The following ULK4 variants were observed in gnomAD, a reference collection of about 807,000 sequenced individuals.
The protein encoded by ULK4 is unc-51 like kinase 4.
Under a neutral mutation model 160.6 loss-of-function variants are expected in ULK4, and 133 were observed. The observed-to-expected ratio is 0.83, with a 90% confidence interval of 0.72 to 0.96. The LOEUF is 0.96. Ranked by LOEUF, ULK4 falls within the 40% of genes least tolerant of loss-of-function variation. The pLI, the probability that ULK4 is intolerant of heterozygous loss-of-function variation, is 0.00. For synonymous variants in ULK4, 534 were observed against 539.8 expected (o/e 0.99, Z 0.15); for missense variants, 1,580 against 1,499.5 (o/e 1.05, Z -0.89).
At chr3:41,681,221 C>T (rs750907666) in intron 29 of ULK4, among the ~76,000 whole-genome samples, 14 of 152,166 alleles carry the variant, frequency 9.2e-5, no homozygotes, top group Non-Finnish European at 1.5e-4. Context: ...ACCCTCACCC[C>T]TTGAGCCATG....
chr3:41,878,629 A>G (rs1697396782), intron 17 of ULK4, among the ~76,000 whole-genome samples: 1 of 151,046 alleles, frequency 6.6e-6, no homozygotes, highest in Admixed American at 6.6e-5. Context: ...TTGCAACTCT[A>G]AAGGATTACT....
intron 18 of ULK4, among the ~76,000 whole-genome samples, chr3:41,832,483 G>A (rs1432356604): frequency 2.0e-5 from 3 of 152,204 alleles, no homozygotes; most frequent in Admixed American, 6.5e-5. Flanking sequence ...CTCCCATTCT[G>A]TAGGCTGTCT....
intron 5 of ULK4, among the ~76,000 whole-genome samples, chr3:41,928,176 GA>G (rs1278036275): frequency 6.6e-6 from 1 of 152,146 alleles, no homozygotes; most frequent in Non-Finnish European, 1.5e-5. Flanking sequence ...CAATAAATTA[GA>G]ACTCAGGATT....
intron 21 of ULK4, among the ~76,000 whole-genome samples, chr3:41,762,499 G>C (rs2039017202): frequency 6.6e-6 from 1 of 151,968 alleles, no homozygotes; most frequent in African/African-American, 2.4e-5. Flanking sequence ...ACCTCAGACT[G>C]GGTAATATAT....
intron 35 of ULK4, among the ~76,000 whole-genome samples, chr3:41,305,237 G>GGTCTCCCTCTCCCTCTCTTTCCACA (rs1462585888): frequency 6.6e-6 from 1 of 151,762 alleles, no homozygotes; most frequent in Non-Finnish European, 1.5e-5. Context: ...CTCTCCCCAC[G>GGTCTCCCTCTCCCTCTCTTTCCACA]GTCTCCCTCT....
At chr3:41,857,293 A>G (rs1418064787) in intron 17 of ULK4, among the ~76,000 whole-genome samples, 2 of 152,152 alleles carry the variant, frequency 1.3e-5, no homozygotes, top group Admixed American at 6.5e-5. Flanking sequence ...GGTACTCATT[A>G]TTCTCTTTCT....
chr3:41,708,191 T>TATATA, intron 25 of ULK4, among the ~76,000 whole-genome samples: 1 of 151,994 alleles, frequency 6.6e-6, no homozygotes, highest in Admixed American at 6.5e-5. Context: ...TATATATATA[T>TATATA]TTCCAAAGGA....
At chr3:41,305,563 C>G (rs1207006671) in intron 35 of ULK4, among the ~76,000 whole-genome samples, 3 of 152,192 alleles carry the variant, frequency 2.0e-5, no homozygotes, top group Admixed American at 6.5e-5. Flanking sequence ...GTGATCTCGG[C>G]TCGCTACAAC....
intron 34 of ULK4, among the ~76,000 whole-genome samples, chr3:41,417,846 TACTA>T (rs1181789751): frequency 1.3e-5 from 2 of 152,200 alleles, no homozygotes; most frequent in Non-Finnish European, 2.9e-5. Flanking sequence ...ATTAAAAACA[TACTA>T]ACTACTCTGG....
rs544552709 is a variant in ULK4 at position 41,674,593 on chromosome 3, G to A, written c.2978+6915C>T. 3.9e-5 allele frequency among the ~76,000 whole-genome samples: 6 copies of A among 152,300 alleles called. No individual in the cohort carries two copies. In the South Asian group the frequency reaches 1.0e-3, roughly 26 times the overall value. On this transcript the variant is annotated intron_variant, in intron 29 of 36. Transcript: ENST00000301831. ...AGGAGGAAAACTGAAAGGAGGAAGT[G>A]AATGCATACACACTGAGTTAAAGGC...
At chr3:41,528,078 C>T (rs573405223) in intron 32 of ULK4, among the ~76,000 whole-genome samples, 1 of 152,270 alleles carries the variant, frequency 6.6e-6, no homozygotes, top group East Asian at 1.9e-4. Flanking sequence ...GTATGAGATT[C>T]CATGTAGCCA....
At chr3:41,362,867 C>A (rs1015511412) in intron 35 of ULK4, among the ~76,000 whole-genome samples, 1 of 152,254 alleles carries the variant, frequency 6.6e-6, no homozygotes, top group African/African-American at 2.4e-5. Flanking sequence ...TCCAGCTTCA[C>A]GACAGCTCAG....
chr3:41,938,331 A>G, intron 2 of ULK4, 134 bp from the exon 3 acceptor site: 1 of 638,338 alleles, frequency 1.6e-6, no homozygotes, highest in Non-Finnish European at 2.6e-6. Flanking sequence ...CTATACAGAC[A>G]TTAGAAATCA....
chr3:41,634,258 T>A (rs1386347676), intron 30 of ULK4, among the ~76,000 whole-genome samples: 1 of 152,214 alleles, frequency 6.6e-6, no homozygotes, highest in Non-Finnish European at 1.5e-5. Flanking sequence ...ATGTCCAGTT[T>A]ATGATTGCCT....
chr3:41,442,034 T>C (rs996941415), intron 34 of ULK4, among the ~76,000 whole-genome samples: 3 of 152,214 alleles, frequency 2.0e-5, no homozygotes, highest in Non-Finnish European at 2.9e-5. Flanking sequence ...TCCATTCTTT[T>C]ACCTTTAACC....
chr3:41,881,737 G>A (rs192006816), intron 17 of ULK4, among the ~76,000 whole-genome samples: 50 of 151,616 alleles, frequency 3.3e-4, no homozygotes, highest in Admixed American at 3.1e-3. Flanking sequence ...CTTGCATTTC[G>A]AACTAATAAA....
At chr3:41,618,132 C>T (rs1438480466) in intron 30 of ULK4, among the ~76,000 whole-genome samples, 1 of 152,034 alleles carries the variant, frequency 6.6e-6, no homozygotes, top group Non-Finnish European at 1.5e-5. Context: ...TGTGAAAAGA[C>T]CAAACCTATG....
At chr3:41,697,483 A>T (rs1401870335) in intron 27 of ULK4, among the ~76,000 whole-genome samples, 1 of 152,202 alleles carries the variant, frequency 6.6e-6, no homozygotes, top group Non-Finnish European at 1.5e-5. Flanking sequence ...TTTTTGTAGA[A>T]CTGTACAACG....
At chr3:41,769,189 T>C (rs1463815848) in intron 21 of ULK4, among the ~76,000 whole-genome samples, 1 of 152,194 alleles carries the variant, frequency 6.6e-6, no homozygotes, top group South Asian at 2.1e-4. Flanking sequence ...CCTAAAAACA[T>C]CTTCTGCCCT....
Sources: allele counts gnomAD v4.1 joint callset (sites outside exome capture counted in the v4.1 genomes callset), GRCh38; gene constraint gnomAD v4.1.1; transcripts MANE v1.5; gene names NCBI Gene and HGNC (gene_info 2026-07-23, HGNC 2026-07-21).